The following SLC25A21 variants were observed in gnomAD, a reference collection of about 807,000 sequenced individuals.
The protein encoded by SLC25A21 is mitochondrial 2-oxodicarboxylate carrier.
Under a neutral mutation model 43.8 loss-of-function variants are expected in SLC25A21, and 47 were observed. The ratio of observed to expected loss-of-function variants is 1.07; its 90% CI spans 0.85 to 1.37. The LOEUF (loss-of-function observed/expected upper bound fraction) is 1.37. Ranked by LOEUF, SLC25A21 falls within the 40% of genes most tolerant of loss-of-function variation. The probability of loss-of-function intolerance (pLI) is 0.00; values close to 1 mark genes in which losing one functional copy is unlikely to be tolerated. For synonymous variants in SLC25A21, 131 were observed against 121.3 expected, an observed-to-expected ratio of 1.08 and a Z score of -0.52; for missense variants, 352 against 350.2, an observed-to-expected ratio of 1.00 and a Z score of -0.04.
chr14:36,888,801 C>T (rs1890996896), intron 1 of SLC25A21, among the ~76,000 whole-genome samples: 1 of 152,040 alleles, frequency 6.6e-6, no homozygotes, highest in African/African-American at 2.4e-5. Flanking sequence ...TCTTTTCTTC[C>T]CATTACTCAT....
rs886498754 is a variant in SLC25A21 at position 36,969,568 on chromosome 14, A to G, written c.71-94564T>C. The stretch of plus-strand genomic sequence containing the variant: ...CAGTGGTGCAATCATAGAGCACTAT[A>G]GCTTCCAACTCCTAGGCTTAAATGA... On this transcript the variant is annotated intron_variant, in intron 1 of 9. Coordinates refer to ENST00000331299, the MANE Select transcript of SLC25A21 (RefSeq NM_030631.4). Among the ~76,000 whole-genome samples the G allele has an allele frequency of 1.1e-4, 16 of 151,946 alleles. 1 individual carries two copies. Among genetic ancestry groups the G allele is most frequent in the Admixed American group, 2.0e-4 (3 of 15,240 alleles).
intron 1 of SLC25A21, among the ~76,000 whole-genome samples, chr14:37,166,866 G>A (rs1024571590): frequency 1.3e-5 from 2 of 152,078 alleles, no homozygotes; most frequent in Non-Finnish European, 2.9e-5. Context: ...TATTTTATTT[G>A]GCACAATATC....
chr14:36,817,435 G>C (rs1306981971), intron 2 of SLC25A21, among the ~76,000 whole-genome samples: 2 of 152,074 alleles, frequency 1.3e-5, no homozygotes, highest in African/African-American at 4.8e-5. Flanking sequence ...GCCAGTGAGG[G>C]AAAGCTGTCC....
intron 1 of SLC25A21, among the ~76,000 whole-genome samples, chr14:36,945,557 T>TG (rs1892660352): frequency 6.6e-6 from 1 of 152,208 alleles, no homozygotes; most frequent in South Asian, 2.1e-4. Flanking sequence ...TTCTGACACA[T>TG]GCTAACATGA....
Position 37,074,075 on chromosome 14 carries a change from A to G in SLC25A21, c.70+98206T>C, listed in dbSNP as rs1962228885. Among the ~76,000 whole-genome samples, 4 of 152,276 alleles carry G rather than the reference A, an allele frequency of 2.6e-5. No homozygotes were observed. The South Asian group carries it at 8.3e-4, about 32-fold the overall frequency. On this transcript the variant is annotated intron_variant, in intron 1 of 9. Transcript: ENST00000331299. Reference sequence around the variant, plus strand: ...GATGTTCGTCTCTGTTCAAATGGGTAAGGTAATATTTTACTTAAGAACAAA... The same window carrying G: ...GATGTTCGTCTCTGTTCAAATGGGTGAGGTAATATTTTACTTAAGAACAAA...
At chr14:37,159,280 AG>A (rs1429364786) in intron 1 of SLC25A21, among the ~76,000 whole-genome samples, 6 of 152,162 alleles carry the variant, frequency 3.9e-5, no homozygotes, top group Non-Finnish European at 8.8e-5. Flanking sequence ...AGCAATCCTG[AG>A]CAAAAAGAAC....
chr14:36,769,754 T>C (rs1309396965), intron 3 of SLC25A21, among the ~76,000 whole-genome samples: 2 of 152,244 alleles, frequency 1.3e-5, no homozygotes, highest in Admixed American at 6.5e-5. Context: ...AAACTGAAGA[T>C]ATCTCTCAGA....
chr14:37,131,613 AG>A (rs1963392818), intron 1 of SLC25A21, among the ~76,000 whole-genome samples: 1 of 152,232 alleles, frequency 6.6e-6, no homozygotes, highest in South Asian at 2.1e-4. Flanking sequence ...TAAGTGCTAA[AG>A]GAAGAAGGAC....
At chr14:36,995,045 A>T (rs2138717524) in intron 1 of SLC25A21, among the ~76,000 whole-genome samples, 1 of 152,202 alleles carries the variant, frequency 6.6e-6, no homozygotes, top group African/African-American at 2.4e-5. Flanking sequence ...TGGCTCCTCA[A>T]GTTTGTCTGA....
At chr14:36,685,419 T>C (rs1206162414) in intron 7 of SLC25A21, among the ~76,000 whole-genome samples, 1 of 152,232 alleles carries the variant, frequency 6.6e-6, no homozygotes, top group Non-Finnish European at 1.5e-5. Context: ...CCAGGTTTTT[T>C]GCATTTATTT....
intron 7 of SLC25A21, among the ~76,000 whole-genome samples, chr14:36,710,172 G>A (rs1883776196): frequency 6.6e-6 from 1 of 151,950 alleles, no homozygotes. Flanking sequence ...GTTGCCTGAG[G>A]TCAGGAGTTT....
intron 1 of SLC25A21, among the ~76,000 whole-genome samples, chr14:36,886,063 G>T: frequency 6.6e-6 from 1 of 152,166 alleles, no homozygotes; most frequent in East Asian, 1.9e-4. Context: ...TTCAAACTGT[G>T]CAGATTTCAA....
At chr14:36,837,356 G>A (rs1349343198) in intron 2 of SLC25A21, among the ~76,000 whole-genome samples, 4 of 152,038 alleles carry the variant, frequency 2.6e-5, no homozygotes, top group Non-Finnish European at 5.9e-5. Context: ...CAAGCCTGCC[G>A]AACAGTGCAG....
chr14:36,740,958 G>A (rs1482923236), intron 3 of SLC25A21, among the ~76,000 whole-genome samples: 1 of 152,140 alleles, frequency 6.6e-6, no homozygotes, highest in Admixed American at 6.5e-5. Context: ...ACTAAAAAAA[G>A]TTCCTTGCTT....
intron 1 of SLC25A21, among the ~76,000 whole-genome samples, chr14:36,946,141 C>T (rs376363830): frequency 1.8e-4 from 27 of 152,230 alleles, no homozygotes; most frequent in East Asian, 1.7e-3. Flanking sequence ...ATGGTGTTAT[C>T]AACTGCTTAT....
intron 1 of SLC25A21, among the ~76,000 whole-genome samples, chr14:37,045,647 C>T (rs1239751904): frequency 1.3e-5 from 2 of 152,192 alleles, no homozygotes; most frequent in Non-Finnish European, 2.9e-5. Context: ...TTGCAGTCTC[C>T]GTTTGGACCT....
intron 1 of SLC25A21, among the ~76,000 whole-genome samples, chr14:36,944,336 A>C (rs1306556622): frequency 6.6e-6 from 1 of 152,162 alleles, no homozygotes; most frequent in Non-Finnish European, 1.5e-5. Context: ...TTGTTATGGG[A>C]GTCCAGAGGA....
At chr14:37,130,082 C>T (rs1178901268) in intron 1 of SLC25A21, among the ~76,000 whole-genome samples, 18 of 54,400 alleles carry the variant, frequency 3.3e-4, no homozygotes, top group Non-Finnish European at 5.3e-4. Context: ...GAGACCCTGT[C>T]TCTACAAAAA....
At chr14:36,995,427 A>T (rs1027540854) in intron 1 of SLC25A21, among the ~76,000 whole-genome samples, 1 of 152,212 alleles carries the variant, frequency 6.6e-6, no homozygotes, top group African/African-American at 2.4e-5. Context: ...TGACAAAAAA[A>T]GTAACTTCTT....
Sources: allele counts gnomAD v4.1 joint callset (sites outside exome capture counted in the v4.1 genomes callset), GRCh38; gene constraint gnomAD v4.1.1; transcripts MANE v1.5; gene names NCBI Gene and HGNC (gene_info 2026-07-23, HGNC 2026-07-21).